Variants in LRRC4C observed in about 807,000 individuals in gnomAD.
The protein encoded by LRRC4C is leucine-rich repeat-containing protein 4C.
A neutral mutation model predicts 33.6 loss-of-function variants in LRRC4C; 5 were observed. The observed-to-expected ratio is 0.15, with a 90% CI of 0.08 to 0.31. The LOEUF is 0.31. Among genes scored for constraint, LRRC4C ranks in the 10% least tolerant of loss-of-function variants. The pLI is 1.00. For missense variants in LRRC4C, 560 were observed against 796.7 expected, an observed-to-expected ratio of 0.70 and a Z score of 3.58; for synonymous variants, 329 against 302.0, an observed-to-expected ratio of 1.09 and a Z score of -0.93.
At chr11:41,173,226 A>C (rs1945052635) in intron 1 of LRRC4C, among the ~76,000 whole-genome samples, 1 of 152,172 alleles carries the variant, frequency 6.6e-6, no homozygotes, top group Non-Finnish European at 1.5e-5. Context: ...CTTCTCCTTT[A>C]GTGCATTATG....
intron 3 of LRRC4C, among the ~76,000 whole-genome samples, chr11:40,639,071 C>T (rs974588909): frequency 3.3e-5 from 5 of 151,202 alleles, no homozygotes; most frequent in East Asian, 1.9e-4. Flanking sequence ...TATTTCCTAT[C>T]GAAAGTATGA....
intron 3 of LRRC4C, among the ~76,000 whole-genome samples, chr11:40,329,841 A>T (rs968713334): frequency 1.3e-5 from 2 of 149,684 alleles, no homozygotes; most frequent in South Asian, 4.2e-4. Context: ...TCCTGGGTTC[A>T]AGCGATTCTC....
chr11:40,887,820 T>C (rs550173859), intron 2 of LRRC4C, among the ~76,000 whole-genome samples: 4 of 152,166 alleles, frequency 2.6e-5, no homozygotes, highest in African/African-American at 4.8e-5. Flanking sequence ...TAAATATTTT[T>C]ATAGCTTTGT....
intron 3 of LRRC4C, among the ~76,000 whole-genome samples, chr11:40,392,516 A>C (rs918153168): frequency 2.0e-5 from 3 of 152,060 alleles, no homozygotes; most frequent in African/African-American, 4.8e-5. Flanking sequence ...TTTTAAAATA[A>C]ATAAGTTATT....
chr11:41,192,833 TAAAAAATGTCAGGATAACAAGA>T (rs1451570828), intron 1 of LRRC4C, among the ~76,000 whole-genome samples: 2 of 152,028 alleles, frequency 1.3e-5, no homozygotes, highest in Non-Finnish European at 1.5e-5. Context: ...AGGTTTTGCT[TAAAAAATGTCAGGATAACAAGA>T]GAAGCATCTT....
At chr11:40,727,094 T>A (rs1947321024) in intron 2 of LRRC4C, among the ~76,000 whole-genome samples, 1 of 152,036 alleles carries the variant, frequency 6.6e-6, no homozygotes, top group Non-Finnish European at 1.5e-5. Context: ...CTGAAAGAAA[T>A]CGTAGTTGAG....
chr11:41,354,664 T>C (rs1219155895), intron 1 of LRRC4C, among the ~76,000 whole-genome samples: 1 of 151,946 alleles, frequency 6.6e-6, no homozygotes, highest in East Asian at 1.9e-4. Flanking sequence ...AATAGACACA[T>C]AGACCAATGT....
chr11:41,441,060 T>C (rs1374131095), intron 1 of LRRC4C, among the ~76,000 whole-genome samples: 3 of 152,094 alleles, frequency 2.0e-5, no homozygotes, highest in African/African-American at 7.2e-5. Flanking sequence ...GAGACAACAC[T>C]CTCTTTCTTC....
At chr11:40,687,436 G>A (rs1945016545) in intron 2 of LRRC4C, among the ~76,000 whole-genome samples, 1 of 151,910 alleles carries the variant, frequency 6.6e-6, no homozygotes, top group African/African-American at 2.4e-5. Context: ...TCTTTTCAAT[G>A]AGAGTGTAGT....
chr11:40,235,081 G>A (rs1230524213), intron 5 of LRRC4C, among the ~76,000 whole-genome samples: 2 of 152,136 alleles, frequency 1.3e-5, no homozygotes, highest in Non-Finnish European at 2.9e-5. Context: ...CTTCATGCAA[G>A]TTAAAAAACA....
intron 3 of LRRC4C, among the ~76,000 whole-genome samples, chr11:40,531,305 CCTGA>C (rs1438765861): frequency 1.3e-5 from 2 of 152,126 alleles, no homozygotes; most frequent in African/African-American, 4.8e-5. Context: ...CCTCCTTCAT[CCTGA>C]CTGACCTAAT....
At chr11:40,359,633 T>G (rs1442775820) in intron 3 of LRRC4C, among the ~76,000 whole-genome samples, 1 of 152,180 alleles carries the variant, frequency 6.6e-6, no homozygotes, top group Non-Finnish European at 1.5e-5. Flanking sequence ...CTCTTAGGCA[T>G]AGCTGTATGA....
intron 3 of LRRC4C, among the ~76,000 whole-genome samples, chr11:40,500,151 TG>T (rs1954673100): frequency 6.6e-6 from 1 of 151,852 alleles, no homozygotes; most frequent in South Asian, 2.1e-4. Context: ...GGTACGTAAC[TG>T]GGGATGAGTT....
rs543372985 is a variant in LRRC4C, at chr11:40,472,990, G to A, written c.-269-153269C>T. Among the ~76,000 whole-genome samples, 16 of 152,272 alleles carry A rather than the reference G, an allele frequency of 1.1e-4. No individual in the cohort carries two copies. The South Asian group carries it at 3.3e-3, about 32-fold the overall frequency. On this transcript the variant is annotated intron_variant, in intron 3 of 6. Coordinates refer to ENST00000528697, the MANE Select transcript of LRRC4C (RefSeq NM_001258419.2). ...TAGCCTACCAACCAAAACAGCCTGG[G>A]ACCAGACAGACTCACAGCTGAATTC... is the stretch of plus-strand genomic sequence containing the variant.
At chr11:41,319,897 T>C (rs1028245099) in intron 1 of LRRC4C, among the ~76,000 whole-genome samples, 1 of 152,172 alleles carries the variant, frequency 6.6e-6, no homozygotes, top group African/African-American at 2.4e-5. Flanking sequence ...TAAAGATATA[T>C]GTTTAAATGC....
intron 3 of LRRC4C, among the ~76,000 whole-genome samples, chr11:40,630,100 C>G (rs937426032): frequency 6.6e-6 from 1 of 151,846 alleles, no homozygotes; most frequent in African/African-American, 2.4e-5. Flanking sequence ...TGTTTTTAAC[C>G]TCAGTTGTAG....
intron 5 of LRRC4C, among the ~76,000 whole-genome samples, chr11:40,162,614 C>A (rs1283068259): frequency 2.0e-5 from 3 of 152,126 alleles, no homozygotes; most frequent in African/African-American, 7.2e-5. Flanking sequence ...GCAAATGTTT[C>A]GTCGCTTTGT....
intron 1 of LRRC4C, among the ~76,000 whole-genome samples, chr11:41,117,483 C>A (rs572858753): frequency 6.6e-6 from 1 of 152,132 alleles, no homozygotes; most frequent in East Asian, 1.9e-4. Flanking sequence ...ATGATAGCAA[C>A]TATGCAATTT....
At chr11:41,002,267 G>A (rs1854435317) in intron 1 of LRRC4C, among the ~76,000 whole-genome samples, 1 of 152,098 alleles carries the variant, frequency 6.6e-6, no homozygotes, top group African/African-American at 2.4e-5. Flanking sequence ...GACTAATTTG[G>A]TGGTCCCTAC....
Sources: gnomAD v4.1 joint callset for allele counts (sites outside exome capture counted in the v4.1 genomes callset) on GRCh38, gnomAD v4.1.1 for gene constraint, MANE v1.5 for transcripts, NCBI Gene and HGNC (gene_info 2026-07-23, HGNC 2026-07-21) for gene names.